DENND5A: variants seen among roughly 807,000 people sequenced by gnomAD.
DENND5A encodes the protein DENN domain-containing protein 5A.
DENND5A carries 64 observed loss-of-function variants against 140.3 expected under a neutral mutation model. That is an observed-to-expected ratio of 0.46 (90% CI 0.37 to 0.56). The LOEUF (loss-of-function observed/expected upper bound fraction) is 0.56, where lower values mean the gene tolerates loss of function less well. DENND5A is among the 20% of genes least tolerant of loss of function. The probability of loss-of-function intolerance (pLI) is 0.00; values close to 1 mark genes in which losing one functional copy is unlikely to be tolerated. For synonymous variants in DENND5A, 605 were observed against 607.7 expected, an observed-to-expected ratio of 1.00 and a Z score of 0.07; for missense variants, 1,292 against 1,593.8, an observed-to-expected ratio of 0.81 and a Z score of 3.22.
At chr11:9,196,621 T>G (rs1465858287) in intron 4 of DENND5A, among the ~76,000 whole-genome samples, 2 of 152,084 alleles carry the variant, frequency 1.3e-5, no homozygotes, top group African/African-American at 4.8e-5. Context: ...TTATTTATTA[T>G]TTTATTGGAG....
chr11:9,213,211 G>A (rs1849948041), intron 1 of DENND5A, among the ~76,000 whole-genome samples: 1 of 151,558 alleles, frequency 6.6e-6, no homozygotes, highest in African/African-American at 2.4e-5. Context: ...TCACCATGTT[G>A]GCCAGGCTGG....
At chr11:9,170,853 C>T (rs1046125574) in intron 8 of DENND5A, 76 bp from the exon 9 acceptor site, 14 of 1,572,512 alleles carry the variant, frequency 8.9e-6, no homozygotes, top group African/African-American at 4.0e-5. Context: ...GTCAAACATT[C>T]TTTAAGAATC....
chr11:9,151,759 G>A (rs1478143748), intron 13 of DENND5A, among the ~76,000 whole-genome samples: 1 of 152,218 alleles, frequency 6.6e-6, no homozygotes, highest in African/African-American at 2.4e-5. Flanking sequence ...ACTGGCTCTT[G>A]TTTGGCCTCT....
chr11:9,177,198 G>A (rs994852890), intron 8 of DENND5A, among the ~76,000 whole-genome samples: 3 of 148,722 alleles, frequency 2.0e-5, no homozygotes. Context: ...AGGCTGTGGC[G>A]AGCCATAATC....
At chr11:9,211,059 C>T (rs1484275194) in intron 1 of DENND5A, among the ~76,000 whole-genome samples, 1 of 152,118 alleles carries the variant, frequency 6.6e-6, no homozygotes, top group East Asian at 1.9e-4. Flanking sequence ...AGAAGGTCAG[C>T]ACTTCAAAGA....
intron 4 of DENND5A, among the ~76,000 whole-genome samples, chr11:9,197,591 G>C (rs1403912342): frequency 6.6e-6 from 1 of 150,602 alleles, no homozygotes; most frequent in African/African-American, 2.4e-5. Flanking sequence ...GCTACTTGGG[G>C]GGCTGAGGCA....
chr11:9,195,646 A>G (rs1261214669), intron 4 of DENND5A, among the ~76,000 whole-genome samples: 1 of 152,246 alleles, frequency 6.6e-6, no homozygotes, highest in East Asian at 1.9e-4. Flanking sequence ...CAAAGGGAAC[A>G]GAAGCTGAAA....
At chr11:9,150,276 C>T in intron 14 of DENND5A, 67 bp from the exon 15 acceptor site, 1 of 1,570,640 alleles carries the variant, frequency 6.4e-7, no homozygotes, top group Non-Finnish European at 8.7e-7. Context: ...CAATAACTTA[C>T]CTGTAAAGCC....
chr11:9,215,550 C>CCT (rs752413334), intron 1 of DENND5A, among the ~76,000 whole-genome samples: 8,604 of 140,482 alleles, frequency 0.061, 358 homozygotes, highest in South Asian at 0.11. Context: ...ATCCTGTGTT[C>CCT]TTTTTTTTTT....
chr11:9,142,202 C>T (rs1847269315), intron 21 of DENND5A, 94 bp from the exon 22 acceptor site: 1 of 997,954 alleles, frequency 1.0e-6, no homozygotes, highest in Non-Finnish European at 1.5e-6. Flanking sequence ...TCCAAGTCCA[C>T]ACAGGTAACT....
chr11:9,262,824 C>G (rs1293592021), intron 1 of DENND5A, among the ~76,000 whole-genome samples: 1 of 152,014 alleles, frequency 6.6e-6, no homozygotes, highest in Non-Finnish European at 1.5e-5. Context: ...TCACTGCGAG[C>G]TCCGCCTCCC....
At chr11:9,246,952 C>T (rs560933084) in intron 1 of DENND5A, among the ~76,000 whole-genome samples, 10 of 152,154 alleles carry the variant, frequency 6.6e-5, no homozygotes, top group East Asian at 3.9e-4. Context: ...TTGCCTTGGC[C>T]GGGCGCGGTG....
At chr11:9,160,206 T>C (rs1847933156) in intron 12 of DENND5A, among the ~76,000 whole-genome samples, 2 of 152,074 alleles carry the variant, frequency 1.3e-5, no homozygotes. Context: ...GAAAACAGAG[T>C]ATTTTGAAAT....
At chr11:9,177,065 G>A (rs1181750202) in intron 8 of DENND5A, among the ~76,000 whole-genome samples, 2 of 151,938 alleles carry the variant, frequency 1.3e-5, no homozygotes, top group Non-Finnish European at 2.9e-5. Context: ...GGCCAGCCTG[G>A]GCAACATGGC....
intron 10 of DENND5A, 86 bp from the exon 11 acceptor site, chr11:9,166,053 A>C: frequency 1.7e-6 from 2 of 1,202,320 alleles, no homozygotes; most frequent in East Asian, 2.4e-5. Context: ...TGAAGAGGGC[A>C]TTATTTTCTC....
intron 1 of DENND5A, among the ~76,000 whole-genome samples, chr11:9,256,541 C>T (rs1851954667): frequency 6.6e-6 from 1 of 152,128 alleles, no homozygotes; most frequent in Admixed American, 6.6e-5. Context: ...CATACCATGG[C>T]ATATTTTTCT....
chr11:9,227,091 C>T (rs941455268), intron 1 of DENND5A, among the ~76,000 whole-genome samples: 1 of 151,912 alleles, frequency 6.6e-6, no homozygotes, highest in Non-Finnish European at 1.5e-5. Flanking sequence ...TCGCTTGAAC[C>T]CGGGAGGCAG....
At chr11:9,159,389 T>G (rs1407956650) in intron 12 of DENND5A, among the ~76,000 whole-genome samples, 2 of 151,784 alleles carry the variant, frequency 1.3e-5, no homozygotes, top group African/African-American at 2.4e-5. Flanking sequence ...GGTGCAATCT[T>G]GGCTCACTGC....
At chr11:9,183,461 G>C (rs1053159734) in intron 5 of DENND5A, among the ~76,000 whole-genome samples, 1 of 147,334 alleles carries the variant, frequency 6.8e-6, no homozygotes, top group African/African-American at 2.5e-5. Flanking sequence ...TTTTGAGACA[G>C]AGTTTTGCTC....
Sources: gnomAD v4.1 joint callset for allele counts (sites outside exome capture counted in the v4.1 genomes callset) on GRCh38, gnomAD v4.1.1 for gene constraint, MANE v1.5 for transcripts, NCBI Gene and HGNC (gene_info 2026-07-23, HGNC 2026-07-21) for gene names.